Variants in CLNK observed in about 807,000 individuals in gnomAD.
The protein encoded by CLNK is cytokine dependent hematopoietic cell linker, also known as cytokine-dependent hematopoietic cell linker.
CLNK carries 74 observed loss-of-function variants against 68.6 expected under a neutral mutation model. The ratio of observed to expected loss-of-function variants is 1.08; its 90% CI spans 0.89 to 1.31. CLNK has a LOEUF of 1.31. Ranked by LOEUF, CLNK falls within the 50% of genes most tolerant of loss-of-function variation. The pLI is 0.00. For synonymous variants in CLNK, 198 were observed against 172.2 expected (o/e 1.15, Z -1.17); for missense variants, 553 against 515.3 (o/e 1.07, Z -0.71).
At chr4:10,500,829 A>T (rs1287478086) in intron 18 of CLNK, among the ~76,000 whole-genome samples, 4 of 152,202 alleles carry the variant, frequency 2.6e-5, no homozygotes, top group Non-Finnish European at 2.9e-5. Flanking sequence ...AGGCATGCCC[A>T]ACATAGCCCT....
At chr4:10,522,789 A>C (rs1249740742) in intron 14 of CLNK, among the ~76,000 whole-genome samples, 1 of 152,218 alleles carries the variant, frequency 6.6e-6, no homozygotes, top group African/African-American at 2.4e-5. Context: ...TGTGCACAGC[A>C]TAAGTTTCTG....
In CLNK at chr4:10,490,216, G is replaced by A; in HGVS notation, c.*251C>T. ...TTTAGAAGATACTTTTAAAACCCTAGTTTTTATTTTTATTTATTTTCCAGT... is the reference window on the plus strand; with the variant it reads ...TTTAGAAGATACTTTTAAAACCCTAATTTTTATTTTTATTTATTTTCCAGT... On this transcript the variant is annotated 3_prime_UTR_variant, in exon 19 of 19. Coordinates refer to ENST00000226951, the MANE Select transcript of CLNK (RefSeq NM_052964.4). 2.7e-6 allele frequency: 1 copy of A among 375,226 alleles called. No individual in the cohort carries two copies. The highest frequency in any genetic ancestry group is 4.7e-6 in the Non-Finnish European group (1 of 212,670). 23.2% of individuals were successfully genotyped at this position (375,226 alleles called of 1,614,324 possible). A position where few individuals can be genotyped will look rare whatever the true frequency, so the allele number is the denominator to read the frequency against.
chr4:10,555,494 C>T (rs1719633876), intron 8 of CLNK, among the ~76,000 whole-genome samples: 1 of 152,250 alleles, frequency 6.6e-6, no homozygotes, highest in Admixed American at 6.5e-5. Context: ...ATTGTAAATA[C>T]TTTGCCTCCA....
At chr4:10,664,374 T>A (rs1370753618) in intron 2 of CLNK, among the ~76,000 whole-genome samples, 1 of 152,202 alleles carries the variant, frequency 6.6e-6, no homozygotes, top group Non-Finnish European at 1.5e-5. Flanking sequence ...ACTGGGTTAA[T>A]AATTTTGACA....
chr4:10,638,633 TC>T (rs1723188247), intron 2 of CLNK, among the ~76,000 whole-genome samples: 1 of 152,204 alleles, frequency 6.6e-6, no homozygotes, highest in Admixed American at 6.5e-5. Context: ...TGATTGTCAT[TC>T]CTTGATGAAT....
Position 10,565,870 on chromosome 4 carries a change from C to G in CLNK, c.292+139G>C, listed in dbSNP as rs1036604151. 17 of 853,220 alleles carry G rather than the reference C, an allele frequency of 2.0e-5. No individual in the cohort carries two copies. The African/African-American group carries it at 2.9e-4, about 15-fold the overall frequency. 52.9% of individuals were successfully genotyped at this position (853,220 alleles called of 1,614,324 possible). Reference sequence around the variant, plus strand: ...AGAAAGTGGATTGGAGAGACTTTCTCAAGGTCACACAGCTAGTAAGTCATG... The same window carrying G: ...AGAAAGTGGATTGGAGAGACTTTCTGAAGGTCACACAGCTAGTAAGTCATG... On this transcript the variant is annotated intron_variant, in intron 6 of 18. Coordinates refer to ENST00000226951, the MANE Select transcript of CLNK (RefSeq NM_052964.4).
intron 4 of CLNK, 23 bp downstream of exon 4, chr4:10,584,904 G>A: frequency 6.2e-7 from 1 of 1,613,012 alleles, no homozygotes; most frequent in Non-Finnish European, 8.5e-7. Flanking sequence ...CCACCACTTA[G>A]GTGACAGAGA....
At chr4:10,577,684 G>T (rs544725305) in intron 4 of CLNK, among the ~76,000 whole-genome samples, 1 of 151,938 alleles carries the variant, frequency 6.6e-6, no homozygotes, top group Non-Finnish European at 1.5e-5. Context: ...GTACAAGGGA[G>T]GGAGCAAGAA....
chr4:10,540,212 G>A (rs1263809064), intron 11 of CLNK, among the ~76,000 whole-genome samples: 1 of 152,118 alleles, frequency 6.6e-6, no homozygotes, highest in Admixed American at 6.5e-5. Context: ...ATTTGCTTTG[G>A]ACACAGGTTC....
intron 11 of CLNK, 22 bp from the exon 12 acceptor site, chr4:10,532,305 T>C: frequency 6.3e-7 from 1 of 1,599,174 alleles, no homozygotes; most frequent in Non-Finnish European, 8.6e-7. Flanking sequence ...AGAAATACGG[T>C]GTTACATAAA....
chr4:10,508,857 C>T (rs1352516246), intron 16 of CLNK, among the ~76,000 whole-genome samples: 2 of 152,062 alleles, frequency 1.3e-5, no homozygotes, highest in African/African-American at 4.8e-5. Flanking sequence ...GCCTGTAATC[C>T]CAGCACTTTG....
At chr4:10,728,781 G>C in the CLNK span, among the ~76,000 whole-genome samples, 6 of 151,896 alleles carry the variant, frequency 4.0e-5, no homozygotes, top group Non-Finnish European at 1.5e-5. Flanking sequence ...ATTTTTAGTA[G>C]AGACGGGGTT....
At chr4:10,530,777 G>A (rs983863779) in intron 12 of CLNK, among the ~76,000 whole-genome samples, 3 of 152,118 alleles carry the variant, frequency 2.0e-5, no homozygotes, top group African/African-American at 7.2e-5. Flanking sequence ...AGCAGGGGAC[G>A]GAGTCCTGTA....
At chr4:10,575,044 G>A (rs541257998) in intron 4 of CLNK, among the ~76,000 whole-genome samples, 12 of 152,220 alleles carry the variant, frequency 7.9e-5, no homozygotes, top group South Asian at 6.2e-4. Flanking sequence ...TCTTTAACTC[G>A]GTGTCTGAGG....
chr4:10,671,686 G>T (rs1049060084), intron 1 of CLNK, among the ~76,000 whole-genome samples: 1 of 152,156 alleles, frequency 6.6e-6, no homozygotes, highest in African/African-American at 2.4e-5. Flanking sequence ...CAAAGACAAG[G>T]CAGTGAACAC....
chr4:10,691,512 T>C, the CLNK span, among the ~76,000 whole-genome samples: 3 of 152,118 alleles, frequency 2.0e-5, no homozygotes, highest in Non-Finnish European at 4.4e-5. Flanking sequence ...GTTTCTCAAT[T>C]CTACATTTAA....
chr4:10,687,536 G>A (rs1326836201), upstream of CLNK, among the ~76,000 whole-genome samples: 1 of 152,004 alleles, frequency 6.6e-6, no homozygotes, highest in Non-Finnish European at 1.5e-5. Context: ...GAAGAGGAGG[G>A]AGGGGAGAAG....
rs199642916 is a variant in CLNK at position 10,542,022 on chromosome 4, C to A, written c.491G>T (p.Arg164Leu). The A allele has an allele frequency of 1.2e-3, 1,908 of 1,584,604 alleles. 4 individuals carry two copies. Among genetic ancestry groups the A allele is most frequent in the Non-Finnish European group, 1.5e-3 (1,713 of 1,165,604 alleles). The change falls in exon 10 of 19, where the codon CGG becomes CTG. Residue 164 changes from arginine (R) to leucine (L), a missense_variant and splice_region_variant. Transcript: ENST00000226951. ...AAAATGCTATTTTAAAGTGTTTTAC[C>A]GAGGAGGTGGTAAAGGAATCTGAAA... Reference protein sequence around the residue: ...RKNKIPLPPPRPLITLPKKYQ... With the variant: ...RKNKIPLPPPLPLITLPKKYQ...
the CLNK span, among the ~76,000 whole-genome samples, chr4:10,723,919 A>AGACAGAGAGAGAGAG: frequency 6.8e-5 from 10 of 147,986 alleles, no homozygotes; most frequent in African/African-American, 7.5e-5. Flanking sequence ...AGAGAGAGAG[A>AGACAGAGAGAGAGAG]AGGCAGGGCA....
Sources: gnomAD v4.1 joint callset for allele counts (sites outside exome capture counted in the v4.1 genomes callset) on GRCh38, gnomAD v4.1.1 for gene constraint, MANE v1.5 for transcripts, NCBI Gene and HGNC (gene_info 2026-07-23, HGNC 2026-07-21) for gene names.